Variants in TOP6BL observed in about 807,000 individuals in gnomAD.
The protein encoded by TOP6BL is TOP6B like initiator of meiotic double strand breaks.
At chr11:66,748,574 C>T in the TOP6BL span, 1 of 1,325,058 alleles carries the variant, frequency 7.5e-7, no homozygotes, top group South Asian at 1.6e-5. Context: ...TATGTCGTAG[C>T]TTATTTAAAA....
At chr11:66,838,329 T>C in the TOP6BL span, 1 of 1,585,594 alleles carries the variant, frequency 6.3e-7, no homozygotes, top group Non-Finnish European at 8.7e-7. Flanking sequence ...TCGTTCATGT[T>C]TCTACAAAAC....
chr11:66,792,150 C>T, the TOP6BL span, among the ~76,000 whole-genome samples: 2 of 152,084 alleles, frequency 1.3e-5, no homozygotes, highest in Non-Finnish European at 2.9e-5. Flanking sequence ...TTAAAAGGGT[C>T]CTCTAACCCC....
chr11:66,767,254 A>G, the TOP6BL span, among the ~76,000 whole-genome samples: 190 of 152,276 alleles, frequency 1.2e-3, no homozygotes, highest in Non-Finnish European at 2.0e-3. Context: ...TGCATTGAAT[A>G]CTTATCTACT....
At chr11:66,838,316 G>A in the TOP6BL span, 4 of 1,530,998 alleles carry the variant, frequency 2.6e-6, no homozygotes, top group Non-Finnish European at 3.6e-6. Flanking sequence ...GTTTCACTAG[G>A]GCTCGTTCAT....
the TOP6BL span, among the ~76,000 whole-genome samples, chr11:66,835,318 T>C: frequency 6.6e-6 from 1 of 152,180 alleles, no homozygotes; most frequent in Non-Finnish European, 1.5e-5. Context: ...TGTTTCTTTC[T>C]TTATGTCTTT....
the TOP6BL span, among the ~76,000 whole-genome samples, chr11:66,774,188 C>G: frequency 3.3e-5 from 5 of 151,786 alleles, no homozygotes; most frequent in South Asian, 1.0e-3. Context: ...AATTTAAATC[C>G]TTTTCCAAAC....
chr11:66,822,143 T>C, the TOP6BL span, among the ~76,000 whole-genome samples: 1 of 152,228 alleles, frequency 6.6e-6, no homozygotes, highest in Non-Finnish European at 1.5e-5. Flanking sequence ...CACCACCACT[T>C]TCTCTCCTTA....
chr11:66,781,744 C>T, the TOP6BL span, among the ~76,000 whole-genome samples: 3 of 152,010 alleles, frequency 2.0e-5, no homozygotes, highest in South Asian at 6.2e-4. Flanking sequence ...TTCCATGTTG[C>T]CTAGGCTAGT....
chr11:66,842,606 A>G, the TOP6BL span, among the ~76,000 whole-genome samples: 95 of 152,240 alleles, frequency 6.2e-4, no homozygotes, highest in Non-Finnish European at 1.1e-3. Context: ...GAGTCCCCCA[A>G]GTGAGGGCTC....
At chr11:66,776,429 G>A in the TOP6BL span, among the ~76,000 whole-genome samples, 1 of 152,022 alleles carries the variant, frequency 6.6e-6, no homozygotes, top group Non-Finnish European at 1.5e-5. Context: ...GAATAGCAGG[G>A]GTAATATTAG....
chr11:66,761,651 T>A, the TOP6BL span: 3 of 1,146,992 alleles, frequency 2.6e-6, no homozygotes, highest in South Asian at 1.3e-5. Flanking sequence ...TGTGCGAAGC[T>A]CCACCAACTC....
chr11:66,747,308 A>G, the TOP6BL span, among the ~76,000 whole-genome samples: 1 of 152,208 alleles, frequency 6.6e-6, no homozygotes, highest in African/African-American at 2.4e-5. Flanking sequence ...TTACTGCATT[A>G]GAACTTAGAA....
At chr11:66,744,819 G>GGGCGGT in the TOP6BL span, 4 of 1,230,232 alleles carry the variant, frequency 3.3e-6, no homozygotes, top group Non-Finnish European at 4.1e-6. Flanking sequence ...GCTGAGGAGG[G>GGGCGGT]GGCGGCGGCG....
At chr11:66,842,743 G>A in the TOP6BL span, 1 of 1,146,332 alleles carries the variant, frequency 8.7e-7, no homozygotes, top group Non-Finnish European at 1.2e-6. Context: ...CAGGGATGCG[G>A]TGGGAAGAGC....
chr11:66,745,460 C>T, the TOP6BL span, among the ~76,000 whole-genome samples: 1 of 152,214 alleles, frequency 6.6e-6, no homozygotes, highest in Non-Finnish European at 1.5e-5. Context: ...AGAGGCCACA[C>T]CTGTGCTCGG....
At chr11:66,799,685 C>G in the TOP6BL span, among the ~76,000 whole-genome samples, 387 of 152,018 alleles carry the variant, frequency 2.5e-3, 2 homozygotes, top group Middle Eastern at 6.8e-3. Context: ...GCACTCTGCA[C>G]TCCAGCCTGG....
At chr11:66,804,648 T>G in the TOP6BL span, among the ~76,000 whole-genome samples, 1 of 152,114 alleles carries the variant, frequency 6.6e-6, no homozygotes, top group Admixed American at 6.6e-5. Context: ...AAATAATGAG[T>G]GCTTGACGGC....
At chr11:66,801,030 G>C in the TOP6BL span, 1 of 1,613,746 alleles carries the variant, frequency 6.2e-7, no homozygotes, top group African/African-American at 1.3e-5. Flanking sequence ...TTGCTTTGCA[G>C]GGTGGAGAAT....
the TOP6BL span, chr11:66,800,542 T>A: frequency 1.1e-6 from 1 of 913,036 alleles, no homozygotes; most frequent in African/African-American, 1.7e-5. Context: ...AATTTAAAAT[T>A]TTTTAAGCTT....
Sources: gnomAD v4.1 joint callset for allele counts (sites outside exome capture counted in the v4.1 genomes callset) on GRCh38, gnomAD v4.1.1 for gene constraint, MANE v1.5 for transcripts, NCBI Gene and HGNC (gene_info 2026-07-23, HGNC 2026-07-21) for gene names.